PTPRG: variants seen among roughly 807,000 people sequenced by gnomAD.
PTPRG encodes receptor-type tyrosine-protein phosphatase gamma.
Under a neutral mutation model 165.3 loss-of-function variants are expected in PTPRG, and 102 were observed. The observed-to-expected ratio is 0.62, with a 90% CI of 0.53 to 0.73. The LOEUF is 0.73. Ranked by LOEUF, PTPRG falls within the 30% of genes least tolerant of loss-of-function variation. The pLI is 0.00. For missense variants in PTPRG, 1,866 were observed against 1,861.4 expected (o/e 1.00, Z -0.05); for synonymous variants, 675 against 669.5 (o/e 1.01, Z -0.13).
intron 1 of PTPRG, among the ~76,000 whole-genome samples, chr3:61,565,613 T>A (rs1699892656): frequency 6.6e-6 from 1 of 151,838 alleles, no homozygotes; most frequent in Non-Finnish European, 1.5e-5. Context: ...TCAGCAGATT[T>A]TTTTTTTAAT....
chr3:61,727,690 A>G (rs894187381), intron 1 of PTPRG, among the ~76,000 whole-genome samples: 1 of 152,186 alleles, frequency 6.6e-6, no homozygotes, highest in African/African-American at 2.4e-5. Context: ...TAAACTGGAT[A>G]TAAATCTACA....
intron 10 of PTPRG, among the ~76,000 whole-genome samples, chr3:62,201,055 A>C (rs1576127117): frequency 6.6e-6 from 1 of 152,162 alleles, no homozygotes; most frequent in South Asian, 2.1e-4. Flanking sequence ...GTGGAGGTGG[A>C]CATTGACTAG....
chr3:62,282,312 C>T (rs551238589), intron 27 of PTPRG, among the ~76,000 whole-genome samples: 2 of 152,094 alleles, frequency 1.3e-5, no homozygotes, highest in South Asian at 2.1e-4. Context: ...TAACCCCAAA[C>T]TCCTGGGCTC....
intron 8 of PTPRG, among the ~76,000 whole-genome samples, chr3:62,183,190 G>A (rs1705727826): frequency 6.6e-6 from 1 of 152,202 alleles, no homozygotes; most frequent in Non-Finnish European, 1.5e-5. Flanking sequence ...ATTCCCGTGA[G>A]GATTTGATGA....
intron 1 of PTPRG, among the ~76,000 whole-genome samples, chr3:61,712,258 A>G (rs1048944368): frequency 6.6e-6 from 1 of 152,152 alleles, no homozygotes; most frequent in East Asian, 1.9e-4. Context: ...AATTTGAATT[A>G]TGTAAAATTT....
At chr3:62,292,230 T>C (rs1702923108) in intron 28 of PTPRG, among the ~76,000 whole-genome samples, 191 bp from the exon 29 acceptor site, 2 of 152,134 alleles carry the variant, frequency 1.3e-5, no homozygotes, top group African/African-American at 4.8e-5. Context: ...TACTCCACTT[T>C]CATAAACAAA....
At position 62,190,670 on chromosome 3, in the gene PTPRG, A is replaced by AT. The variant is rs1448218678; in HGVS notation, c.1034-796dup. ...TGTTATGTGACTTTGCTTTAAAATT[A>AT]TTTAAAGTCTCATCTTAAATTTATT... On this transcript the variant is annotated intron_variant, in intron 8 of 29. Coordinates refer to ENST00000474889, the MANE Select transcript of PTPRG (RefSeq NM_002841.4). The surrounding 1 kb of genome is among the most constrained non-coding windows in gnomAD (Gnocchi z 5.2). 6.6e-6 allele frequency among the ~76,000 whole-genome samples: 1 copy of AT among 152,178 alleles called. No individual in the cohort carries two copies. The highest frequency in any genetic ancestry group is 1.5e-5 in the Non-Finnish European group (1 of 68,030).
intron 5 of PTPRG, among the ~76,000 whole-genome samples, chr3:62,130,034 C>T (rs1045478901): frequency 1.3e-5 from 2 of 152,188 alleles, no homozygotes; most frequent in African/African-American, 4.8e-5. Flanking sequence ...CTAAATTTTG[C>T]TGTGTACCAA....
rs186941229 is a variant in PTPRG, at chr3:61,756,013, C to T, written c.190+7031C>T. The stretch of plus-strand genomic sequence containing the variant: ...ATTTGAGAATGAAAAGAAAAGAGCT[C>T]ATGGGAATTCATTATCGTTTGTACA... On this transcript the variant is annotated intron_variant, in intron 2 of 29. Coordinates refer to ENST00000474889, the MANE Select transcript of PTPRG (RefSeq NM_002841.4). Among the ~76,000 whole-genome samples the T allele has an allele frequency of 8.3e-4, 127 of 152,162 alleles. 1 individual carries two copies. Among genetic ancestry groups the T allele is most frequent in the African/African-American group, 3.0e-3 (125 of 41,504 alleles).
At position 62,293,690 on chromosome 3, in the gene PTPRG, T is replaced by G. The variant is rs1408991699; in HGVS notation, c.*383T>G. 1 of 157,130 alleles carries G rather than the reference T, an allele frequency of 6.4e-6. No homozygotes were observed. The highest frequency in any genetic ancestry group is 1.4e-5 in the Non-Finnish European group (1 of 71,046). The allele number at this position is 157,130 out of a possible 1,614,324, so 9.7% of individuals were successfully genotyped here. Reference sequence around the variant, plus strand: ...TTATTATTATTATTGCTGAAGTGGTTGCATTCTACTAGCAGGCAATGCTGT... The same window carrying G: ...TTATTATTATTATTGCTGAAGTGGTGGCATTCTACTAGCAGGCAATGCTGT... On this transcript the variant is annotated 3_prime_UTR_variant, in exon 30 of 30. Transcript: ENST00000474889.
chr3:61,751,262 G>C lies in PTPRG; in HGVS notation c.190+2280G>C, dbSNP rs569029437. ...TAAGAGTTGGGGCCTGTTACTTTGG[G>C]TACATCAGACCAGCACCTTAAAACC... On this transcript the variant is annotated intron_variant, in intron 2 of 29. Coordinates refer to ENST00000474889, the MANE Select transcript of PTPRG (RefSeq NM_002841.4). 3.3e-4 allele frequency among the ~76,000 whole-genome samples: 51 copies of C among 152,262 alleles called. 1 individual carries two copies. The East Asian group carries it at 8.7e-3, about 26-fold the overall frequency.
At chr3:61,922,629 C>G (rs2039106355) in intron 2 of PTPRG, among the ~76,000 whole-genome samples, 1 of 152,200 alleles carries the variant, frequency 6.6e-6, no homozygotes, top group African/African-American at 2.4e-5. Flanking sequence ...ATAACTTGCT[C>G]CTTAGCTCAG....
At chr3:61,592,682 G>T (rs1319849072) in intron 1 of PTPRG, among the ~76,000 whole-genome samples, 1 of 134,748 alleles carries the variant, frequency 7.4e-6, no homozygotes, top group African/African-American at 3.0e-5. Context: ...GGGGTGATCT[G>T]TCTAGCTTGT....
rs565338856 is a variant in PTPRG, at chr3:62,190,348, C to T, written c.1034-1121C>T. On this transcript the variant is annotated intron_variant, in intron 8 of 29. Coordinates refer to ENST00000474889, the MANE Select transcript of PTPRG (RefSeq NM_002841.4). The surrounding 1 kb of genome is among the most constrained non-coding windows in gnomAD (Gnocchi z 5.2). The stretch of plus-strand genomic sequence containing the variant: ...TGGGTGCTGAGGGTGAGAACCCCTG[C>T]CCTGGACCATCAGCTCCATGAAGGC... 1.5e-4 allele frequency among the ~76,000 whole-genome samples: 23 copies of T among 152,288 alleles called. No homozygotes were observed. The highest frequency in any genetic ancestry group is 5.5e-4 in the African/African-American group (23 of 41,560).
chr3:61,564,115 G>A (rs375751641), intron 1 of PTPRG, among the ~76,000 whole-genome samples: 1 of 152,208 alleles, frequency 6.6e-6, no homozygotes, highest in Non-Finnish European at 1.5e-5. Flanking sequence ...AGGCCATGGG[G>A]ACATCTCCCC....
At chr3:61,695,072 G>A (rs1399715791) in intron 1 of PTPRG, among the ~76,000 whole-genome samples, 3 of 151,652 alleles carry the variant, frequency 2.0e-5, no homozygotes, top group Non-Finnish European at 2.9e-5. Flanking sequence ...GTGCAATGGC[G>A]CGATAGTGGC....
At chr3:62,234,803 A>AT (rs1700986376) in intron 14 of PTPRG, among the ~76,000 whole-genome samples, 1 of 151,648 alleles carries the variant, frequency 6.6e-6, no homozygotes, top group South Asian at 2.1e-4. Flanking sequence ...TGTTTTCTAG[A>AT]TTTTGAGTTT....
chr3:61,798,908 G>T (rs1283745392), intron 2 of PTPRG, among the ~76,000 whole-genome samples: 1 of 152,082 alleles, frequency 6.6e-6, no homozygotes, highest in East Asian at 1.9e-4. Flanking sequence ...GAGCTGTGCG[G>T]TACAGAGCCA....
intron 2 of PTPRG, among the ~76,000 whole-genome samples, chr3:61,795,337 A>T (rs1224523781): frequency 1.3e-5 from 2 of 152,024 alleles, no homozygotes; most frequent in African/African-American, 4.8e-5. Flanking sequence ...TACTTTTTTA[A>T]TCTGTAAAAA....
Sources: gnomAD v4.1 joint callset for allele counts (sites outside exome capture counted in the v4.1 genomes callset) on GRCh38, gnomAD v4.1.1 for gene constraint, Gnocchi (gnomAD v3.1) non-coding constraint, MANE v1.5 for transcripts, NCBI Gene and HGNC (gene_info 2026-07-23, HGNC 2026-07-21) for gene names.